The following SMIM18 variants were observed in gnomAD, a reference collection of about 807,000 sequenced individuals.
The protein encoded by SMIM18 is small integral membrane protein 18.
Under a neutral mutation model 5.9 loss-of-function variants are expected in SMIM18, and 4 were observed. The ratio of observed to expected loss-of-function variants is 0.68; its 90% CI spans 0.33 to 1.56. The LOEUF is 1.56. SMIM18 is among the 40% of genes most tolerant of loss of function. SMIM18 has a pLI of 0.06. For synonymous variants in SMIM18, 37 were observed against 37.4 expected (o/e 0.99, Z 0.04); for missense variants, 89 against 109.7 (o/e 0.81, Z 0.84).
intron 1 of SMIM18, among the ~76,000 whole-genome samples, chr8:30,642,380 C>T (rs1801876934): frequency 6.6e-6 from 1 of 151,040 alleles, no homozygotes; most frequent in Non-Finnish European, 1.5e-5. Context: ...TTACTCCATA[C>T]TAATCCATAT....
chr8:30,645,337 A>T lies in SMIM18; in HGVS notation c.28A>T (p.Thr10Ser), dbSNP rs779273852. 1.0e-4 allele frequency: 158 copies of T among 1,535,540 alleles called. No homozygotes were observed. The highest frequency in any genetic ancestry group is 1.3e-4 in the Non-Finnish European group (153 of 1,146,896). The change falls in exon 3 of 3, where the codon ACT (threonine) becomes TCT (serine). Residue 10 changes from threonine to serine, a missense_variant. Coordinates refer to ENST00000517349, the MANE Select transcript of SMIM18 (RefSeq NM_001206847.2). The part of the protein sequence containing the change: MASSHWNET[T>S]TSVYQYLGFQ... ...GGCTTCCAGCCACTGGAATGAAACC[A>T]CTACCTCTGTTTATCAGTACCTTGG...
chr8:30,641,754 G>A (rs1230280823), intron 1 of SMIM18, among the ~76,000 whole-genome samples: 1 of 152,218 alleles, frequency 6.6e-6, no homozygotes, highest in East Asian at 1.9e-4. Flanking sequence ...GTACATACCT[G>A]TAATCCCAAC....
Position 30,645,737 on chromosome 8 carries a change from AG to A in SMIM18, c.*141del, listed in dbSNP as rs201745050. 4.2e-5 allele frequency: 34 copies of A among 811,928 alleles called. No homozygotes were observed. Among genetic ancestry groups the A allele is most frequent in the Non-Finnish European group, 5.4e-5 (29 of 532,518 alleles). 50.3% of individuals were successfully genotyped at this position (811,928 alleles called of 1,614,324 possible). The stretch of plus-strand genomic sequence containing the variant: ...CATTTCTAGTAGAAGGGGAAAAAAA[AG>A]TTAAACATGCACTGTTTGTGTGTAT... On this transcript the variant is annotated 3_prime_UTR_variant, in exon 3 of 3. Coordinates refer to ENST00000517349, the MANE Select transcript of SMIM18 (RefSeq NM_001206847.2).
chr8:30,641,471 C>T (rs959576908), intron 1 of SMIM18, among the ~76,000 whole-genome samples: 4 of 152,158 alleles, frequency 2.6e-5, no homozygotes, highest in Admixed American at 2.6e-4. Flanking sequence ...CAAGCTATCC[C>T]CCCACCTGAG....
chr8:30,645,497 G>T lies in SMIM18; in HGVS notation c.188G>T (p.Cys63Phe). Reference protein sequence around the residue: ...AFLYEVLDCCCCVKNKTVKDL... With the variant: ...AFLYEVLDCCFCVKNKTVKDL... ...CTTTATGAAGTGCTTGACTGCTGCT[G>T]CTGTGTAAAAAACAAAACCGTGAAA... Residue 63 changes from cysteine to phenylalanine, a missense_variant, in exon 3 of 3, where the codon TGC becomes TTC. Transcript: ENST00000517349. 1 of 1,535,630 alleles carries T rather than the reference G, an allele frequency of 6.5e-7. No individual in the cohort carries two copies. The highest frequency in any genetic ancestry group is 8.7e-7 in the Non-Finnish European group (1 of 1,146,882).
chr8:30,641,005 G>C (rs1303800023), intron 1 of SMIM18, among the ~76,000 whole-genome samples: 1 of 152,088 alleles, frequency 6.6e-6, no homozygotes, highest in Non-Finnish European at 1.5e-5. Flanking sequence ...ATTTCTTTCT[G>C]CATGCTTAAT....
intron 1 of SMIM18, among the ~76,000 whole-genome samples, chr8:30,640,026 T>G (rs1801757286): frequency 6.6e-6 from 1 of 152,186 alleles, no homozygotes; most frequent in Admixed American, 6.5e-5. Context: ...TCAGGTAAAC[T>G]GTCAACAGAA....
chr8:30,640,124 A>G (rs991928918), intron 1 of SMIM18, among the ~76,000 whole-genome samples: 5 of 152,146 alleles, frequency 3.3e-5, no homozygotes, highest in Non-Finnish European at 2.9e-5. Flanking sequence ...ATGGAGGCTC[A>G]TTGCTGTTTC....
chr8:30,641,187 G>T (rs1801810618), intron 1 of SMIM18, among the ~76,000 whole-genome samples: 1 of 152,062 alleles, frequency 6.6e-6, no homozygotes, highest in African/African-American at 2.4e-5. Context: ...AACAAACAAT[G>T]AATGTTTTGA....
intron 1 of SMIM18, chr8:30,643,850 T>C (rs1256708700): frequency 6.6e-6 from 1 of 152,030 alleles, no homozygotes; most frequent in Non-Finnish European, 1.5e-5. Context: ...TACTACTTTG[T>C]AGTTTTCGTT....
chr8:30,644,895 C>A (rs534938528), intron 2 of SMIM18, among the ~76,000 whole-genome samples: 307 of 152,008 alleles, frequency 2.0e-3, no homozygotes, highest in Non-Finnish European at 3.3e-3. Context: ...GGACTATAGG[C>A]ACACACCACC....
At chr8:30,639,166 T>C (rs1480729484) in intron 1 of SMIM18, among the ~76,000 whole-genome samples, 4 of 152,220 alleles carry the variant, frequency 2.6e-5, no homozygotes, top group Non-Finnish European at 2.9e-5. Context: ...GCTTTGAATG[T>C]AGATGCAGAG....
At chr8:30,640,417 T>C (rs941840044) in intron 1 of SMIM18, among the ~76,000 whole-genome samples, 9 of 151,910 alleles carry the variant, frequency 5.9e-5, no homozygotes, top group Admixed American at 3.3e-4. Context: ...CATATCAAAA[T>C]GGGAGTAAAC....
chr8:30,645,270 C>G lies in SMIM18; in HGVS notation c.-29-11C>G. The G allele has an allele frequency of 1.3e-6, 2 of 1,500,308 alleles. No homozygotes were observed. The highest frequency in any genetic ancestry group is 1.8e-6 in the Non-Finnish European group (2 of 1,132,804). 92.9% of individuals were successfully genotyped at this position (1,500,308 alleles called of 1,614,324 possible). ...TTTGCTACATAAATTCATTTTCTAC[C>G]TTTTTTATAGATTCAAAAGAGCAAG... On this transcript the variant is annotated splice_polypyrimidine_tract_variant and intron_variant, in intron 2 of 2. Transcript: ENST00000517349.
At chr8:30,640,459 A>C (rs1801775753) in intron 1 of SMIM18, among the ~76,000 whole-genome samples, 1 of 152,182 alleles carries the variant, frequency 6.6e-6, no homozygotes, top group Non-Finnish European at 1.5e-5. Flanking sequence ...ACCAAAATTA[A>C]CATAAAACAA....
chr8:30,644,795 G>A (rs939614487), intron 2 of SMIM18, among the ~76,000 whole-genome samples: 10 of 150,838 alleles, frequency 6.6e-5, no homozygotes, highest in Admixed American at 6.0e-4. Context: ...CCATTGTCCA[G>A]GCTAGAATGC....
Position 30,645,420 on chromosome 8 carries a change from C to T in SMIM18, c.111C>T (p.Val37=). 6.5e-7 allele frequency: 1 copy of T among 1,535,698 alleles called. No homozygotes were observed. Among genetic ancestry groups the T allele is most frequent in the Non-Finnish European group, 8.7e-7 (1 of 1,146,896 alleles). The part of the protein sequence containing the change: ...FHDNWNTACF[V]ILLLFIFTVV... ...ACAACTGGAACACTGCCTGCTTTGT[C>T]ATCCTGCTTTTATTTATATTTACAG... Residue 37 remains valine (V), a synonymous_variant, in exon 3 of 3, where the codon GTC becomes GTT. Coordinates refer to ENST00000517349, the MANE Select transcript of SMIM18 (RefSeq NM_001206847.2).
intron 1 of SMIM18, among the ~76,000 whole-genome samples, chr8:30,642,347 C>T (rs902898808): frequency 1.3e-5 from 2 of 150,574 alleles, no homozygotes; most frequent in African/African-American, 2.4e-5. Context: ...CATACTACTC[C>T]ATAAGCAGGA....
rs1292306151 is a variant in SMIM18 at position 30,645,585 on chromosome 8, T to C, written c.276T>C (p.Thr92=). Residue 92 remains threonine, a synonymous_variant, in exon 3 of 3, where the codon ACT becomes ACC. Transcript: ENST00000517349. ...TGGACAACATCAGAAAACGTGAAACTGAAGTGGTCTAACACTCTATAGAAG... is the reference window on the plus strand; with the variant it reads ...TGGACAACATCAGAAAACGTGAAACCGAAGTGGTCTAACACTCTATAGAAG... The part of the protein sequence containing the change: ...SMMDNIRKRE[T]EVV The C allele has an allele frequency of 2.0e-6, 3 of 1,535,596 alleles. No homozygotes were observed. Among genetic ancestry groups the C allele is most frequent in the East Asian group, 2.4e-5 (1 of 40,908 alleles).
Sources: allele counts gnomAD v4.1 joint callset (sites outside exome capture counted in the v4.1 genomes callset), GRCh38; gene constraint gnomAD v4.1.1; transcripts MANE v1.5; gene names NCBI Gene and HGNC (gene_info 2026-07-23, HGNC 2026-07-21).